Variants in TSHZ2 observed in about 807,000 individuals in gnomAD.
TSHZ2 encodes teashirt zinc finger homeobox 2.
Under a neutral mutation model 74.4 loss-of-function variants are expected in TSHZ2, and 21 were observed. That is an observed-to-expected ratio of 0.28 (90% CI 0.20 to 0.41). The LOEUF (loss-of-function observed/expected upper bound fraction) is 0.41, where lower values mean the gene tolerates loss of function less well. Among genes scored for constraint, TSHZ2 ranks in the 10% least tolerant of loss-of-function variants. The probability of loss-of-function intolerance (pLI) is 1.00; values close to 1 mark genes in which losing one functional copy is unlikely to be tolerated. For synonymous variants in TSHZ2, 540 were observed against 515.3 expected, an observed-to-expected ratio of 1.05 and a Z score of -0.65; for missense variants, 1,244 against 1,293.5, an observed-to-expected ratio of 0.96 and a Z score of 0.59.
chr20:53,460,401 G>C (rs1428969900), intron 2 of TSHZ2, among the ~76,000 whole-genome samples: 8 of 152,254 alleles, frequency 5.3e-5, no homozygotes, highest in Admixed American at 5.2e-4. Flanking sequence ...AGCTCCATCA[G>C]CTCCTTTAAG....
At chr20:53,124,885 G>A (rs1986905594) in intron 1 of TSHZ2, among the ~76,000 whole-genome samples, 1 of 152,122 alleles carries the variant, frequency 6.6e-6, no homozygotes, top group Non-Finnish European at 1.5e-5. Context: ...TCTGTAAAGG[G>A]CCAAATAGTA....
intron 1 of TSHZ2, among the ~76,000 whole-genome samples, chr20:53,175,131 C>CTTTTTTTTTTTTTTTTTTTT (rs750453219): frequency 4.7e-5 from 3 of 63,644 alleles, no homozygotes; most frequent in Admixed American, 2.2e-4. Flanking sequence ...CTTCTTCTTT[C>CTTTTTTTTTTTTTTTTTTTT]TTTTTTTTTT....
chr20:53,360,446 G>A (rs1015891085), intron 2 of TSHZ2, among the ~76,000 whole-genome samples: 2 of 152,206 alleles, frequency 1.3e-5, no homozygotes, highest in Non-Finnish European at 2.9e-5. Context: ...TACTCCATAT[G>A]AAGCACAGTG....
intron 2 of TSHZ2, among the ~76,000 whole-genome samples, chr20:53,370,353 C>T (rs1156984211): frequency 1.3e-5 from 2 of 152,148 alleles, no homozygotes; most frequent in Non-Finnish European, 2.9e-5. Flanking sequence ...CTCAGTTTCT[C>T]CGTGGAAAGT....
At chr20:53,045,040 G>A (rs1325213326) in intron 1 of TSHZ2, among the ~76,000 whole-genome samples, 1 of 152,162 alleles carries the variant, frequency 6.6e-6, no homozygotes, top group East Asian at 1.9e-4. Context: ...GTCAGGATGA[G>A]ATAAGTTATG....
chr20:53,252,388 G>A (rs1440249855), intron 1 of TSHZ2, among the ~76,000 whole-genome samples: 1 of 152,182 alleles, frequency 6.6e-6, no homozygotes, highest in Non-Finnish European at 1.5e-5. Flanking sequence ...CATTAAGATT[G>A]TGCAGGCCTT....
At chr20:53,171,759 A>T (rs1216745239) in intron 1 of TSHZ2, among the ~76,000 whole-genome samples, 2 of 151,938 alleles carry the variant, frequency 1.3e-5, no homozygotes, top group Non-Finnish European at 2.9e-5. Flanking sequence ...TTTCTCATTT[A>T]TTTTCTGGTT....
intron 2 of TSHZ2, among the ~76,000 whole-genome samples, chr20:53,448,778 A>C (rs556098806): frequency 6.6e-6 from 1 of 152,240 alleles, no homozygotes; most frequent in African/African-American, 2.4e-5. Flanking sequence ...TAGCTGTGTG[A>C]TTTGGGGCAT....
chr20:52,986,661 G>A (rs1210849464), intron 1 of TSHZ2, among the ~76,000 whole-genome samples: 3 of 150,484 alleles, frequency 2.0e-5, no homozygotes, highest in Admixed American at 6.6e-5. Context: ...CCCAGGAGGC[G>A]GAGATTGAAG....
chr20:53,077,923 G>A (rs1231086191), intron 1 of TSHZ2, among the ~76,000 whole-genome samples: 3 of 152,194 alleles, frequency 2.0e-5, no homozygotes, highest in African/African-American at 7.2e-5. Flanking sequence ...TCTCCTCTGA[G>A]TACTGCAGCA....
intron 2 of TSHZ2, among the ~76,000 whole-genome samples, chr20:53,441,210 C>G (rs534394932): frequency 3.2e-5 from 4 of 123,414 alleles, no homozygotes; most frequent in African/African-American, 1.7e-4. Flanking sequence ...CATTATAACC[C>G]TTATTTATTT....
rs1426355454 is a variant in TSHZ2 at position 52,973,249 on chromosome 20, G to C, written c.-45G>C. On this transcript the variant is annotated 5_prime_UTR_variant, in exon 1 of 3. Coordinates refer to ENST00000371497, the MANE Select transcript of TSHZ2 (RefSeq NM_173485.6). The stretch of plus-strand genomic sequence containing the variant: ...GAGAGACAGCGGGCCCCAGCGCGCG[G>C]CTCGGGGCTGGGGCGCCAGAAGTGG... 2 of 1,551,466 alleles carry C rather than the reference G, an allele frequency of 1.3e-6. No individual in the cohort carries two copies. Among genetic ancestry groups the C allele is most frequent in the South Asian group, 1.2e-5 (1 of 84,022 alleles).
At chr20:53,350,663 T>C (rs1455972093) in intron 2 of TSHZ2, among the ~76,000 whole-genome samples, 3 of 152,254 alleles carry the variant, frequency 2.0e-5, no homozygotes, top group Non-Finnish European at 4.4e-5. Context: ...CGTATGTTTT[T>C]GCAGCACCAA....
At chr20:53,212,477 T>C (rs968369904) in intron 1 of TSHZ2, among the ~76,000 whole-genome samples, 3 of 152,218 alleles carry the variant, frequency 2.0e-5, no homozygotes, top group Non-Finnish European at 4.4e-5. Flanking sequence ...GAAGATGTGA[T>C]GGACATTCGT....
At chr20:53,463,382 GGA>G (rs1272126222) in intron 2 of TSHZ2, among the ~76,000 whole-genome samples, 1 of 40,550 alleles carries the variant, frequency 2.5e-5, no homozygotes, top group African/African-American at 1.1e-4. Context: ...GAGAGAGAGA[GGA>G]AGGAAGGAAG....
intron 2 of TSHZ2, among the ~76,000 whole-genome samples, chr20:53,333,458 T>C (rs1568872258): frequency 6.6e-6 from 1 of 151,382 alleles, no homozygotes; most frequent in African/African-American, 2.4e-5. Context: ...AAGCATGGTT[T>C]CTTTTTTTTT....
At chr20:53,249,256 G>A (rs1199363880) in intron 1 of TSHZ2, among the ~76,000 whole-genome samples, 1 of 152,226 alleles carries the variant, frequency 6.6e-6, no homozygotes, top group Non-Finnish European at 1.5e-5. Context: ...TTTCACTGCT[G>A]AGGAATGGAG....
At chr20:53,091,361 C>T (rs931616366) in intron 1 of TSHZ2, among the ~76,000 whole-genome samples, 1 of 152,160 alleles carries the variant, frequency 6.6e-6, no homozygotes, top group African/African-American at 2.4e-5. Context: ...TAGTCATCAG[C>T]CACTTCTCTA....
In TSHZ2 at chr20:53,469,838, AAGGG is replaced by A. The variant is rs759332615; in HGVS notation, c.*9-17294_*9-17291del. 9.1e-3 allele frequency among the ~76,000 whole-genome samples: 829 copies of A among 90,740 alleles called. 26 individuals are homozygous for A. Among genetic ancestry groups the A allele is most frequent in the Middle Eastern group, 0.023 (3 of 132 alleles). 59.5% of individuals were successfully genotyped at this position (90,740 alleles called of 152,430 possible). On this transcript the variant is annotated intron_variant, in intron 2 of 2. Coordinates refer to ENST00000371497, the MANE Select transcript of TSHZ2 (RefSeq NM_173485.6). ...AAAGATAGAGAAAGAGAGAGGGAGG[AAGGG>A]AGGGAGGGAGGAAGGAAGGAAGGAC...
Sources: gnomAD v4.1 joint callset for allele counts (sites outside exome capture counted in the v4.1 genomes callset) on GRCh38, gnomAD v4.1.1 for gene constraint, MANE v1.5 for transcripts, NCBI Gene and HGNC (gene_info 2026-07-23, HGNC 2026-07-21) for gene names.